PCDH15: variants seen among roughly 807,000 people sequenced by gnomAD.
The protein encoded by PCDH15 is protocadherin related 15.
In PCDH15, 129 loss-of-function variants were observed where a neutral mutation model predicts 178.5. That is an observed-to-expected ratio of 0.72 (90% CI 0.63 to 0.84). The LOEUF (loss-of-function observed/expected upper bound fraction) is 0.84, where lower values mean the gene tolerates loss of function less well. Among genes scored for constraint, PCDH15 ranks in the 40% least tolerant of loss-of-function variants. The probability of loss-of-function intolerance (pLI) is 0.00; values close to 1 mark genes in which losing one functional copy is unlikely to be tolerated. For missense variants in PCDH15, 2,230 were observed against 2,099.9 expected (o/e 1.06, Z -1.21); for synonymous variants, 800 against 732.0 (o/e 1.09, Z -1.50).
At chr10:55,257,011 T>C (rs902212817) in intron 1 of PCDH15, among the ~76,000 whole-genome samples, 13 of 152,222 alleles carry the variant, frequency 8.5e-5, no homozygotes, top group African/African-American at 2.9e-4. Context: ...TGCCAGGTAC[T>C]CCTCTGAGAC....
intron 1 of PCDH15, among the ~76,000 whole-genome samples, chr10:54,688,308 A>G (rs922857721): frequency 3.3e-5 from 5 of 151,998 alleles, no homozygotes; most frequent in East Asian, 1.9e-4. Context: ...CTAAGCCTCA[A>G]TTGTACTTCT....
chr10:53,969,851 A>G (rs944113762), intron 21 of PCDH15, among the ~76,000 whole-genome samples: 4 of 152,150 alleles, frequency 2.6e-5, no homozygotes, highest in African/African-American at 9.7e-5. Flanking sequence ...AAGAGCTCCT[A>G]AAAGGAAGCA....
At chr10:55,183,673 A>C in intron 1 of PCDH15, among the ~76,000 whole-genome samples, 1 of 15,292 alleles carries the variant, frequency 6.5e-5, no homozygotes, top group East Asian at 2.1e-3. Flanking sequence ...CAACATTAAA[A>C]CCTATTTTTT....
intron 2 of PCDH15, among the ~76,000 whole-genome samples, chr10:54,950,526 G>A (rs528330160): frequency 1.3e-5 from 2 of 152,096 alleles, no homozygotes; most frequent in African/African-American, 4.8e-5. Flanking sequence ...CTTTCCTTCT[G>A]CCATGATTGT....
Position 54,066,763 on chromosome 10 carries a change from T to C in PCDH15, c.2214A>G (p.Gln738=). The C allele has an allele frequency of 6.2e-7, 1 of 1,613,284 alleles. No homozygotes were observed. Among genetic ancestry groups the C allele is most frequent in the Non-Finnish European group, 8.5e-7 (1 of 1,179,468 alleles). The part of the protein sequence containing the change: ...VEEEANAFVG[Q]VKATDPDAGI... Reference sequence around the variant, plus strand: ...ATATAAATATTCCACTTACTTTTACTTGACCCACAAAGGCATTGGCTTCTT... The same window carrying C: ...ATATAAATATTCCACTTACTTTTACCTGACCCACAAAGGCATTGGCTTCTT... Residue 738 remains glutamine, a synonymous_variant, in exon 18 of 38, where the codon CAA becomes CAG. Transcript: ENST00000644397.
intron 2 of PCDH15, among the ~76,000 whole-genome samples, chr10:55,142,612 A>ATTTTTTTTTTT (rs1411453646): frequency 6.9e-6 from 1 of 145,242 alleles, no homozygotes; most frequent in African/African-American, 2.6e-5. Context: ...TTATTTTTAT[A>ATTTTTTTTTTT]TATTTTCATA....
chr10:54,242,140 A>T lies in PCDH15; in HGVS notation c.877-5209T>A, dbSNP rs1187692887. On this transcript the variant is annotated intron_variant, in intron 8 of 37. Transcript: ENST00000644397. ...GTCTGAATTCTATTTTTATATATAT[A>T]TATATATATATATATATATATATAT... 1.5e-3 allele frequency among the ~76,000 whole-genome samples: 36 copies of T among 24,632 alleles called. 1 individual carries two copies. The highest frequency in any genetic ancestry group is 7.7e-3 in the African/African-American group (29 of 3,762). 16.2% of individuals were successfully genotyped at this position (24,632 alleles called of 152,430 possible).
At chr10:54,661,268 C>A (rs1487360046) in intron 2 of PCDH15, among the ~76,000 whole-genome samples, 1 of 151,726 alleles carries the variant, frequency 6.6e-6, no homozygotes, top group African/African-American at 2.4e-5. Context: ...AACTGAGAAC[C>A]AAATAAAAAT....
intron 13 of PCDH15, among the ~76,000 whole-genome samples, chr10:54,177,162 A>T (rs1193552555): frequency 1.3e-5 from 2 of 152,172 alleles, no homozygotes; most frequent in Non-Finnish European, 2.9e-5. Flanking sequence ...TTACTAAGTG[A>T]AATAAGCCAG....
chr10:54,677,885 T>C (rs956981575), intron 1 of PCDH15, among the ~76,000 whole-genome samples: 1 of 152,194 alleles, frequency 6.6e-6, no homozygotes, highest in Non-Finnish European at 1.5e-5. Flanking sequence ...CAGAGCTATC[T>C]CTCCATACGC....
At chr10:54,570,035 T>C (rs1364924586) in intron 2 of PCDH15, among the ~76,000 whole-genome samples, 1 of 49,272 alleles carries the variant, frequency 2.0e-5, no homozygotes, top group East Asian at 6.6e-4. Context: ...CCAATACAAT[T>C]AGGGGTGTGT....
chr10:55,030,927 A>C (rs1840595190), intron 2 of PCDH15, among the ~76,000 whole-genome samples: 1 of 152,174 alleles, frequency 6.6e-6, no homozygotes, highest in African/African-American at 2.4e-5. Context: ...GCAAAAATAC[A>C]TTAATTAAAT....
intron 2 of PCDH15, among the ~76,000 whole-genome samples, chr10:55,538,166 T>G (rs1294933296): frequency 6.6e-6 from 1 of 152,156 alleles, no homozygotes; most frequent in African/African-American, 2.4e-5. Flanking sequence ...TTACCTTGTA[T>G]CCTAGGATTC....
Position 55,589,462 on chromosome 10 carries a change from T to C in PCDH15, c.-156+38163A>G, listed in dbSNP as rs537901592. 9.2e-5 allele frequency among the ~76,000 whole-genome samples: 14 copies of C among 151,960 alleles called. No homozygotes were observed. The South Asian group carries it at 2.7e-3, about 29-fold the overall frequency. On this transcript the variant is annotated intron_variant, in intron 2 of 5. Coordinates refer to the PCDH15 transcript ENST00000613346. The stretch of plus-strand genomic sequence containing the variant: ...GGCAACAAAAGCCAAAATTGACAAA[T>C]GGGATCTAATTAAACTAAAGAGCTT...
At chr10:55,470,433 T>A (rs1391188041) in intron 2 of PCDH15, among the ~76,000 whole-genome samples, 3 of 152,174 alleles carry the variant, frequency 2.0e-5, no homozygotes. Flanking sequence ...CAGAAATCCA[T>A]ATATTCTTAA....
At chr10:55,295,363 G>A (rs73252146) in intron 1 of PCDH15, among the ~76,000 whole-genome samples, 8 of 152,292 alleles carry the variant, frequency 5.3e-5, no homozygotes, top group Non-Finnish European at 7.3e-5. Flanking sequence ...TCAGCCTTGC[G>A]CACTTCCACA....
intron 2 of PCDH15, among the ~76,000 whole-genome samples, chr10:55,439,181 A>C (rs1839119986): frequency 1.3e-5 from 2 of 152,076 alleles, no homozygotes; most frequent in East Asian, 3.9e-4. Context: ...TTTTCCAGTC[A>C]AAGTATAAGG....
chr10:54,044,016 G>C (rs1242689437), intron 18 of PCDH15, among the ~76,000 whole-genome samples: 1 of 152,066 alleles, frequency 6.6e-6, no homozygotes, highest in Admixed American at 6.6e-5. Flanking sequence ...TGTTCTAACT[G>C]TCCCTGCTAT....
intron 1 of PCDH15, among the ~76,000 whole-genome samples, chr10:54,796,258 CTATCTATCTATCTA>C (rs1951969251): frequency 1.9e-5 from 2 of 107,452 alleles, no homozygotes; most frequent in Non-Finnish European, 3.8e-5. Context: ...ATCTATCTAT[CTATCTATCTATCTA>C]TGTATCTATG....
Sources: allele counts gnomAD v4.1 joint callset (sites outside exome capture counted in the v4.1 genomes callset), GRCh38; gene constraint gnomAD v4.1.1; transcripts MANE v1.5; gene names NCBI Gene and HGNC (gene_info 2026-07-23, HGNC 2026-07-21).